Variants in OSBPL3 observed in about 807,000 individuals in gnomAD.
OSBPL3 encodes the protein oxysterol binding protein like 3.
In OSBPL3, 65 loss-of-function variants were observed where a neutral mutation model predicts 120.1. The ratio of observed to expected loss-of-function variants is 0.54; its 90% CI spans 0.44 to 0.67. OSBPL3 has a LOEUF of 0.67. Ranked by LOEUF, OSBPL3 falls within the 30% of genes least tolerant of loss-of-function variation. The pLI is 0.00. For missense variants in OSBPL3, 1,004 were observed against 1,082.1 expected, an observed-to-expected ratio of 0.93 and a Z score of 1.01; for synonymous variants, 416 against 402.6, an observed-to-expected ratio of 1.03 and a Z score of -0.40.
At position 24,830,482 on chromosome 7, in the gene OSBPL3, T is replaced by C. The variant is rs780378579; in HGVS notation, c.1884+286A>G. Among the ~76,000 whole-genome samples, 2 of 152,134 alleles carry C rather than the reference T, an allele frequency of 1.3e-5. No homozygotes were observed. Among genetic ancestry groups the C allele is most frequent in the Admixed American group, 6.5e-5 (1 of 15,276 alleles). ...CTCTAAATTGAAGTTTGGGCCAACA[T>C]TCATCCTTTCAAAATTCCTTGTGCT... On this transcript the variant is annotated intron_variant, in intron 16 of 22. Coordinates refer to ENST00000313367, the MANE Select transcript of OSBPL3 (RefSeq NM_015550.4). This position sits in a 1 kb window ranked among gnomAD's most constrained non-coding sequence, Gnocchi z 4.4.
chr7:24,800,284 GA>G lies in OSBPL3; in HGVS notation c.2568-6del. The G allele has an allele frequency of 6.4e-7, 1 of 1,572,518 alleles. No individual in the cohort carries two copies. Among genetic ancestry groups the G allele is most frequent in the Non-Finnish European group, 8.8e-7 (1 of 1,142,646 alleles). On this transcript the variant is annotated splice_polypyrimidine_tract_variant and splice_region_variant and intron_variant, in intron 22 of 22. Transcript: ENST00000313367. ...CAAGAGTCATCGTCGGATTTCCTGTGAAAGAAGAAACAATTTCTTGCAGACT... is the reference window on the plus strand; with the variant it reads ...CAAGAGTCATCGTCGGATTTCCTGTGAAGAAGAAACAATTTCTTGCAGACT...
In OSBPL3 at chr7:24,916,547, T is replaced by C; in HGVS notation, c.-149-23926A>G. Among the ~76,000 whole-genome samples, 1 of 152,084 alleles carries C rather than the reference T, an allele frequency of 6.6e-6. No homozygotes were observed. The highest frequency in any genetic ancestry group is 1.9e-4 in the East Asian group (1 of 5,186). ...TCCATTTGTTCACCTGATCTGTGTT[T>C]CTCTTATTTCCCCCAACACTCCCCA... On this transcript the variant is annotated intron_variant, in intron 1 of 22. Transcript: ENST00000313367. The surrounding 1 kb of genome is among the most constrained non-coding windows in gnomAD (Gnocchi z 4.9).
At chr7:24,874,445 G>A (rs868257213) in intron 2 of OSBPL3, among the ~76,000 whole-genome samples, 1 of 152,132 alleles carries the variant, frequency 6.6e-6, no homozygotes, top group Non-Finnish European at 1.5e-5. Context: ...GGAATCAGAC[G>A]TTATTGCATC....
chr7:24,882,895 TTTGC>T (rs1562879114), intron 2 of OSBPL3, among the ~76,000 whole-genome samples: 1 of 152,240 alleles, frequency 6.6e-6, no homozygotes, highest in Non-Finnish European at 1.5e-5. Flanking sequence ...ATTCATGTCC[TTTGC>T]TTGTTTTTTA....
At chr7:24,861,983 T>C (rs1409732463) in intron 9 of OSBPL3, among the ~76,000 whole-genome samples, 2 of 150,946 alleles carry the variant, frequency 1.3e-5, no homozygotes, top group African/African-American at 4.9e-5. Context: ...ACCTCCCGAG[T>C]TCACAGCATT....
At chr7:24,974,628 C>T (rs1053366633) in intron 1 of OSBPL3, among the ~76,000 whole-genome samples, 1 of 152,036 alleles carries the variant, frequency 6.6e-6, no homozygotes, top group African/African-American at 2.4e-5. Context: ...TAAATAAAAC[C>T]GTGGTATATA....
At chr7:24,844,265 T>A (rs1007115292) in intron 12 of OSBPL3, among the ~76,000 whole-genome samples, 7 of 152,242 alleles carry the variant, frequency 4.6e-5, no homozygotes, top group African/African-American at 1.7e-4. Context: ...AAAAGTTAAA[T>A]CAAGCGTGGC....
At chr7:24,907,264 C>A (rs1808080389) in intron 1 of OSBPL3, among the ~76,000 whole-genome samples, 1 of 152,228 alleles carries the variant, frequency 6.6e-6, no homozygotes, top group African/African-American at 2.4e-5. Context: ...GCTCCAAATT[C>A]CCAATGCCTA....
rs1390622485 is a variant in OSBPL3 at position 24,894,321 on chromosome 7, A to G, written c.-149-1700T>C. On this transcript the variant is annotated intron_variant, in intron 1 of 22. Coordinates refer to ENST00000313367, the MANE Select transcript of OSBPL3 (RefSeq NM_015550.4). This position sits in a 1 kb window ranked among gnomAD's most constrained non-coding sequence, Gnocchi z 4.1. ...CTTTATTCATTTAGTATTGGATCCAATAATAAGTAAGACTAAAAGCAAACC... is the reference window on the plus strand; with the variant it reads ...CTTTATTCATTTAGTATTGGATCCAGTAATAAGTAAGACTAAAAGCAAACC... Among the ~76,000 whole-genome samples the G allele has an allele frequency of 6.6e-6, 1 of 152,220 alleles. No homozygotes were observed. The highest frequency in any genetic ancestry group is 1.5e-5 in the Non-Finnish European group (1 of 68,046).
At position 24,891,985 on chromosome 7, in the gene OSBPL3, A is replaced by G; in HGVS notation, c.96+392T>C. ...TGATTGTTTTTTTGTTTTGCTTAGCAGGATATAAAGGAAAGTGTGGGCTCT... is the reference window on the plus strand; with the variant it reads ...TGATTGTTTTTTTGTTTTGCTTAGCGGGATATAAAGGAAAGTGTGGGCTCT... On this transcript the variant is annotated intron_variant, in intron 2 of 22. Coordinates refer to ENST00000313367, the MANE Select transcript of OSBPL3 (RefSeq NM_015550.4). The surrounding 1 kb of genome is among the most constrained non-coding windows in gnomAD (Gnocchi z 4.1). Among the ~76,000 whole-genome samples the G allele has an allele frequency of 6.6e-6, 1 of 152,308 alleles. No individual in the cohort carries two copies. Among genetic ancestry groups the G allele is most frequent in the East Asian group, 1.9e-4 (1 of 5,182 alleles).
At chr7:24,841,137 T>C (rs1797687315) in intron 13 of OSBPL3, among the ~76,000 whole-genome samples, 1 of 152,224 alleles carries the variant, frequency 6.6e-6, no homozygotes, top group African/African-American at 2.4e-5. Context: ...AAGTATCTTC[T>C]ATGGGAATTA....
Position 24,803,631 on chromosome 7 carries a change from C to T in OSBPL3, c.2567+684G>A, listed in dbSNP as rs1159585004. Among the ~76,000 whole-genome samples, 1 of 152,056 alleles carries T rather than the reference C, an allele frequency of 6.6e-6. No homozygotes were observed. Among genetic ancestry groups the T allele is most frequent in the African/African-American group, 2.4e-5 (1 of 41,386 alleles). On this transcript the variant is annotated intron_variant, in intron 22 of 22. Transcript: ENST00000313367. This position sits in a 1 kb window ranked among gnomAD's most constrained non-coding sequence, Gnocchi z 4.2. ...ACTAAAAATACAAAAATTAGCCGGG[C>T]ATGGTGGCACGCGCCTGTAGTCCCA...
At chr7:24,876,856 G>T (rs1308044475) in intron 2 of OSBPL3, among the ~76,000 whole-genome samples, 2 of 152,134 alleles carry the variant, frequency 1.3e-5, no homozygotes. Flanking sequence ...TTAAAATAGT[G>T]CATAGTAGAT....
chr7:24,979,567 C>T (rs1018930864), intron 1 of OSBPL3, among the ~76,000 whole-genome samples: 1 of 152,232 alleles, frequency 6.6e-6, no homozygotes, highest in Non-Finnish European at 1.5e-5. Context: ...AGGACAGCTC[C>T]GCGCGCCGCG....
intron 20 of OSBPL3, 118 bp downstream of exon 20, chr7:24,809,689 C>T: frequency 1.1e-6 from 1 of 925,182 alleles, no homozygotes; most frequent in Non-Finnish European, 1.6e-6. Flanking sequence ...TAACCTAGTT[C>T]AAAGCAGAAG....
chr7:24,904,677 A>G (rs1185912806), intron 1 of OSBPL3, among the ~76,000 whole-genome samples: 1 of 152,206 alleles, frequency 6.6e-6, no homozygotes, highest in Non-Finnish European at 1.5e-5. Context: ...GTAAAAAACT[A>G]AAGAAATCTT....
chr7:24,926,407 G>A (rs1273827894), intron 1 of OSBPL3, among the ~76,000 whole-genome samples: 2 of 152,146 alleles, frequency 1.3e-5, no homozygotes. Flanking sequence ...CAGGATCCAG[G>A]TATAAACATT....
rs139860532 is a variant in OSBPL3, at chr7:24,855,032, G to A, written c.1028-2398C>T. Among the ~76,000 whole-genome samples, 413 of 152,300 alleles carry A rather than the reference G, an allele frequency of 2.7e-3. No homozygotes were observed. Among genetic ancestry groups the A allele is most frequent in the African/African-American group, 8.4e-3 (348 of 41,562 alleles). ...TGCTTTACTCTTTTGCCAGGAAAAT[G>A]CTTGTAAATAACTGCACACAGGGTA... On this transcript the variant is annotated intron_variant, in intron 10 of 22. Coordinates refer to ENST00000313367, the MANE Select transcript of OSBPL3 (RefSeq NM_015550.4). The surrounding 1 kb of genome is among the most constrained non-coding windows in gnomAD (Gnocchi z 4.3).
At chr7:24,844,377 A>AT (rs59553723) in intron 12 of OSBPL3, among the ~76,000 whole-genome samples, 17,859 of 147,054 alleles carry the variant, frequency 0.12, 1,303 homozygotes, top group South Asian at 0.29. Context: ...TTTTTTTGTG[A>AT]TTTTTTTTTT....
Sources: allele counts gnomAD v4.1 joint callset (sites outside exome capture counted in the v4.1 genomes callset), GRCh38; gene constraint gnomAD v4.1.1; non-coding constraint Gnocchi (gnomAD v3.1); transcripts MANE v1.5; gene names NCBI Gene and HGNC (gene_info 2026-07-23, HGNC 2026-07-21).